Variants in TRAPPC9 observed in about 807,000 individuals in gnomAD.
TRAPPC9 encodes IKK2 binding protein.
TRAPPC9 carries 83 observed loss-of-function variants against 124.0 expected under a neutral mutation model. The observed-to-expected ratio is 0.67, with a 90% CI of 0.56 to 0.80. The LOEUF is 0.80. Ranked by LOEUF, TRAPPC9 falls within the 30% of genes least tolerant of loss-of-function variation. The pLI, the probability that TRAPPC9 is intolerant of heterozygous loss-of-function variation, is 0.00. For synonymous variants in TRAPPC9, 638 were observed against 617.5 expected (o/e 1.03, Z -0.49); for missense variants, 1,302 against 1,508.3 (o/e 0.86, Z 2.27).
chr8:140,031,483 G>A (rs73357153), intron 17 of TRAPPC9, among the ~76,000 whole-genome samples: 1 of 152,136 alleles, frequency 6.6e-6, no homozygotes, highest in Non-Finnish European at 1.5e-5. Flanking sequence ...AATATTTAAA[G>A]ACCTCAATTG....
At chr8:140,041,867 G>A (rs1841295818) in intron 17 of TRAPPC9, among the ~76,000 whole-genome samples, 1 of 152,076 alleles carries the variant, frequency 6.6e-6, no homozygotes, top group Admixed American at 6.6e-5. Flanking sequence ...AGCTATTCAG[G>A]AGGCTGAGGC....
intron 5 of TRAPPC9, among the ~76,000 whole-genome samples, chr8:140,414,941 T>C (rs1285044752): frequency 6.6e-6 from 1 of 152,084 alleles, no homozygotes; most frequent in African/African-American, 2.4e-5. Flanking sequence ...GGTTTCACCA[T>C]GTTGGCCAGG....
At chr8:140,417,256 T>G (rs530577071) in intron 5 of TRAPPC9, among the ~76,000 whole-genome samples, 1 of 152,276 alleles carries the variant, frequency 6.6e-6, no homozygotes, top group African/African-American at 2.4e-5. Context: ...GAAAAGAAAC[T>G]ATCTTCAGAG....
At chr8:140,199,267 G>A (rs1211189077) in intron 17 of TRAPPC9, among the ~76,000 whole-genome samples, 1 of 152,140 alleles carries the variant, frequency 6.6e-6, no homozygotes, top group African/African-American at 2.4e-5. Flanking sequence ...CTCCTGGGGG[G>A]TGCTGATGTT....
intron 18 of TRAPPC9, among the ~76,000 whole-genome samples, chr8:140,009,807 C>T (rs896636093): frequency 1.3e-5 from 2 of 152,234 alleles, no homozygotes; most frequent in African/African-American, 4.8e-5. Flanking sequence ...TGCTTCTCGC[C>T]TATCCTTCTC....
At chr8:140,006,940 G>A (rs1307462158) in intron 18 of TRAPPC9, among the ~76,000 whole-genome samples, 4 of 152,142 alleles carry the variant, frequency 2.6e-5, no homozygotes, top group Non-Finnish European at 4.4e-5. Flanking sequence ...ATACTAAAAC[G>A]TTGAATTATA....
intron 18 of TRAPPC9, among the ~76,000 whole-genome samples, chr8:139,999,917 A>G (rs1838279586): frequency 1.3e-5 from 2 of 152,216 alleles, no homozygotes; most frequent in Non-Finnish European, 2.9e-5. Context: ...CTAAAGCAGT[A>G]CTTAGAGAAA....
In TRAPPC9 at chr8:139,749,491, G is replaced by A. The variant is rs535722618; in HGVS notation, c.3056-17289C>T. Among the ~76,000 whole-genome samples, 104 of 152,250 alleles carry A rather than the reference G, an allele frequency of 6.8e-4. 1 individual carries two copies. The highest frequency in any genetic ancestry group is 4.6e-3 in the South Asian group (22 of 4,814). On this transcript the variant is annotated intron_variant, in intron 21 of 22. Transcript: ENST00000438773. ...CTATTTCATGTTCTCATCTCTGGGCGCCATGTCCAGAACTTCTTCCTACCA... is the reference window on the plus strand; with the variant it reads ...CTATTTCATGTTCTCATCTCTGGGCACCATGTCCAGAACTTCTTCCTACCA...
chr8:139,862,269 C>A (rs1036215143), intron 21 of TRAPPC9, among the ~76,000 whole-genome samples: 1 of 152,262 alleles, frequency 6.6e-6, no homozygotes, highest in African/African-American at 2.4e-5. Flanking sequence ...CCTGCCCCAC[C>A]AGGTCTCTGC....
chr8:139,899,000 A>T (rs1165631791), intron 20 of TRAPPC9, among the ~76,000 whole-genome samples: 2 of 151,704 alleles, frequency 1.3e-5, no homozygotes, highest in Non-Finnish European at 2.9e-5. Flanking sequence ...GGTGCCTGTC[A>T]TCACAGCCAC....
At chr8:140,169,437 C>T (rs1175873539) in intron 17 of TRAPPC9, among the ~76,000 whole-genome samples, 1 of 152,054 alleles carries the variant, frequency 6.6e-6, no homozygotes, top group Non-Finnish European at 1.5e-5. Flanking sequence ...AGGTACAGAC[C>T]CAAGAGGATG....
chr8:140,012,519 C>G (rs1320218266), intron 18 of TRAPPC9, among the ~76,000 whole-genome samples: 1 of 152,234 alleles, frequency 6.6e-6, no homozygotes, highest in Non-Finnish European at 1.5e-5. Flanking sequence ...CTCCCGACAG[C>G]CCGATAAGGA....
At chr8:140,107,514 G>T (rs1369541175) in intron 17 of TRAPPC9, among the ~76,000 whole-genome samples, 1 of 152,228 alleles carries the variant, frequency 6.6e-6, no homozygotes, top group Non-Finnish European at 1.5e-5. Context: ...TATGAAAGGG[G>T]CATGTAGCCA....
chr8:140,005,393 C>T (rs1372455057), intron 18 of TRAPPC9, among the ~76,000 whole-genome samples: 1 of 152,170 alleles, frequency 6.6e-6, no homozygotes, highest in Non-Finnish European at 1.5e-5. Context: ...ACATGAAGCA[C>T]AGCAGCGTGG....
intron 9 of TRAPPC9, among the ~76,000 whole-genome samples, chr8:140,322,644 G>A (rs574530525): frequency 2.0e-5 from 3 of 151,308 alleles, no homozygotes; most frequent in South Asian, 2.1e-4. Context: ...CCTGGGCAAC[G>A]TAGCAAGACC....
intron 5 of TRAPPC9, among the ~76,000 whole-genome samples, chr8:140,414,717 G>A (rs1398274773): frequency 6.6e-6 from 1 of 151,848 alleles, no homozygotes; most frequent in Non-Finnish European, 1.5e-5. Context: ...GGTCAAAGAA[G>A]AAATCACAAG....
intron 8 of TRAPPC9, 33 bp from the exon 9 acceptor site, chr8:140,360,226 G>A (rs1305542624): frequency 6.2e-7 from 1 of 1,613,686 alleles, no homozygotes. Flanking sequence ...TCACAAAAGT[G>A]CTTGGAGAGG....
chr8:140,180,384 A>G (rs1215501242), intron 17 of TRAPPC9, among the ~76,000 whole-genome samples: 1 of 149,276 alleles, frequency 6.7e-6, no homozygotes, highest in Non-Finnish European at 1.5e-5. Context: ...TTTTTCCTTT[A>G]TATATGTTTT....
At chr8:139,923,117 C>A (rs199795169) in intron 19 of TRAPPC9, among the ~76,000 whole-genome samples, 1 of 107,490 alleles carries the variant, frequency 9.3e-6, no homozygotes, top group Non-Finnish European at 2.2e-5. Context: ...CCATCCGTTC[C>A]GGAGGTGAAT....
Sources: allele counts gnomAD v4.1 joint callset (sites outside exome capture counted in the v4.1 genomes callset), GRCh38; gene constraint gnomAD v4.1.1; transcripts MANE v1.5; gene names NCBI Gene and HGNC (gene_info 2026-07-23, HGNC 2026-07-21).